Variants in SLC17A6 observed in about 807,000 individuals in gnomAD.
SLC17A6 encodes the protein vesicular glutamate transporter 2.
SLC17A6 carries 35 observed loss-of-function variants against 67.1 expected under a neutral mutation model. The observed-to-expected ratio is 0.52, with a 90% CI of 0.40 to 0.69. The LOEUF (loss-of-function observed/expected upper bound fraction) is 0.69, where lower values mean the gene tolerates loss of function less well. SLC17A6 is among the 30% of genes least tolerant of loss of function. The pLI, the probability that SLC17A6 is intolerant of heterozygous loss-of-function variation, is 0.00. For missense variants in SLC17A6, 588 were observed against 723.9 expected, an observed-to-expected ratio of 0.81 and a Z score of 2.15; for synonymous variants, 285 against 252.3, an observed-to-expected ratio of 1.13 and a Z score of -1.23.
At chr11:22,368,417 C>A (rs1056188131) in intron 7 of SLC17A6, among the ~76,000 whole-genome samples, 3 of 151,924 alleles carry the variant, frequency 2.0e-5, no homozygotes, top group Non-Finnish European at 2.9e-5. Context: ...AGTAAACAAT[C>A]AGCTTGCTTA....
intron 8 of SLC17A6, among the ~76,000 whole-genome samples, 194 bp downstream of exon 8, chr11:22,370,382 C>T (rs1292643795): frequency 2.6e-5 from 4 of 152,086 alleles, no homozygotes; most frequent in African/African-American, 9.7e-5. Flanking sequence ...GCTAGAATTG[C>T]TCTCTGGTAC....
At chr11:22,344,902 A>G (rs573266210) in intron 3 of SLC17A6, among the ~76,000 whole-genome samples, 9 of 152,208 alleles carry the variant, frequency 5.9e-5, no homozygotes, top group Non-Finnish European at 1.0e-4. Context: ...TTCCCTAAAA[A>G]GTATTTCCTA....
chr11:22,357,430 C>A (rs1856003548), intron 3 of SLC17A6, among the ~76,000 whole-genome samples: 1 of 152,142 alleles, frequency 6.6e-6, no homozygotes, highest in East Asian at 1.9e-4. Flanking sequence ...TTGACAATTA[C>A]TGAAGACATT....
At chr11:22,359,284 A>C (rs1262350865) in intron 3 of SLC17A6, 129 bp from the exon 4 acceptor site, 7 of 475,622 alleles carry the variant, frequency 1.5e-5, no homozygotes, top group Non-Finnish European at 2.5e-5. Flanking sequence ...TATTAGAAAA[A>C]ACAATCTACC....
chr11:22,344,476 G>A (rs1855853407), intron 3 of SLC17A6, among the ~76,000 whole-genome samples: 1 of 152,124 alleles, frequency 6.6e-6, no homozygotes, highest in African/African-American at 2.4e-5. Context: ...AGGGCCTGGG[G>A]AGGAATTCTT....
chr11:22,376,465 G>A, intron 10 of SLC17A6, 80 bp from the exon 11 acceptor site: 8 of 1,501,902 alleles, frequency 5.3e-6, no homozygotes, highest in Middle Eastern at 1.7e-4. Context: ...ATTTTAAGGA[G>A]TTGTGATGTG....
intron 3 of SLC17A6, among the ~76,000 whole-genome samples, chr11:22,353,959 A>G (rs888006134): frequency 2.6e-5 from 4 of 152,222 alleles, no homozygotes; most frequent in Non-Finnish European, 4.4e-5. Context: ...GCAAATTCTC[A>G]GGCCCCAAAC....
At position 22,377,745 on chromosome 11, in the gene SLC17A6, A is replaced by G; in HGVS notation, c.*5A>G. On this transcript the variant is annotated 3_prime_UTR_variant, in exon 12 of 12. Transcript: ENST00000263160. ...GACCGAGTTGATTATTCATAACAAA[A>G]CTAATTACTGGATTTATTTTTAGTG... 1 of 1,536,374 alleles carries G rather than the reference A, an allele frequency of 6.5e-7. No homozygotes were observed. Among genetic ancestry groups the G allele is most frequent in the Non-Finnish European group, 8.8e-7 (1 of 1,141,886 alleles).
rs372802040 is a variant in SLC17A6 at position 22,377,372 on chromosome 11, C to T, written c.1414-33C>T. On this transcript the variant is annotated intron_variant, in intron 11 of 11. Transcript: ENST00000263160. Reference sequence around the variant, plus strand: ...GTTAGGCGTTTAAATCATGGGGAGTCAGTTCTCACAGTGCTGCTTTTTCTC... The same window carrying T: ...GTTAGGCGTTTAAATCATGGGGAGTTAGTTCTCACAGTGCTGCTTTTTCTC... 1.2e-5 allele frequency: 19 copies of T among 1,544,590 alleles called. No individual in the cohort carries two copies. The African/African-American group carries it at 2.2e-4, about 18-fold the overall frequency.
intron 3 of SLC17A6, among the ~76,000 whole-genome samples, chr11:22,344,089 A>G (rs2133859235): frequency 6.6e-6 from 1 of 152,212 alleles, no homozygotes; most frequent in South Asian, 2.1e-4. Flanking sequence ...ACGCTTGGCC[A>G]CCAGAAGGTG....
chr11:22,375,539 G>A (rs1199195959), intron 9 of SLC17A6, among the ~76,000 whole-genome samples: 2 of 151,866 alleles, frequency 1.3e-5, no homozygotes, highest in African/African-American at 4.8e-5. Context: ...GGAGTGCGAT[G>A]GCATGATCTC....
chr11:22,344,078 C>T (rs1297847768), intron 3 of SLC17A6, among the ~76,000 whole-genome samples: 1 of 152,114 alleles, frequency 6.6e-6, no homozygotes, highest in African/African-American at 2.4e-5. Flanking sequence ...TGTCGAGGGG[C>T]ACGCTTGGCC....
chr11:22,360,864 G>T (rs1856044742), intron 4 of SLC17A6, 33 bp from the exon 5 acceptor site: 1 of 1,573,484 alleles, frequency 6.4e-7, no homozygotes, highest in Non-Finnish European at 8.7e-7. Context: ...GATCCTAAAT[G>T]GTGACAGTGA....
intron 1 of SLC17A6, 56 bp from the exon 2 acceptor site, chr11:22,341,472 G>A (rs781679727): frequency 2.3e-5 from 37 of 1,587,954 alleles, no homozygotes; most frequent in Non-Finnish European, 3.0e-5. Context: ...GAATGGGTCA[G>A]CATCGGGGGT....
At chr11:22,359,733 C>G (rs547088465) in intron 4 of SLC17A6, among the ~76,000 whole-genome samples, 3 of 152,100 alleles carry the variant, frequency 2.0e-5, no homozygotes, top group Non-Finnish European at 4.4e-5. Context: ...TGCTTATCTC[C>G]TTCTCTCTAG....
chr11:22,373,917 T>A (rs988993764), intron 8 of SLC17A6, among the ~76,000 whole-genome samples: 2 of 152,230 alleles, frequency 1.3e-5, no homozygotes, highest in African/African-American at 4.8e-5. Context: ...AAGACATACT[T>A]AAACACAAAT....
At chr11:22,342,523 C>T (rs1425456712) in intron 2 of SLC17A6, among the ~76,000 whole-genome samples, 4 of 152,120 alleles carry the variant, frequency 2.6e-5, no homozygotes, top group African/African-American at 4.8e-5. Context: ...GGGAAAAGCG[C>T]GCTCCCACCT....
intron 7 of SLC17A6, 41 bp downstream of exon 7, chr11:22,365,730 A>T (rs777517320): frequency 6.4e-7 from 1 of 1,567,954 alleles, no homozygotes; most frequent in Non-Finnish European, 8.6e-7. Context: ...TCTTATTCCC[A>T]TCTCGCCCCC....
intron 2 of SLC17A6, chr11:22,342,953 G>A (rs1403317482): frequency 1.2e-5 from 6 of 516,198 alleles, no homozygotes; most frequent in Non-Finnish European, 2.2e-5. Flanking sequence ...TTTCCAAGAC[G>A]GGGGCCCTCT....
Sources: allele counts gnomAD v4.1 joint callset (sites outside exome capture counted in the v4.1 genomes callset), GRCh38; gene constraint gnomAD v4.1.1; transcripts MANE v1.5; gene names NCBI Gene and HGNC (gene_info 2026-07-23, HGNC 2026-07-21).